PCSK2: variants seen among roughly 807,000 people sequenced by gnomAD.
PCSK2 encodes proprotein convertase subtilisin/kexin type 2.
PCSK2 carries 14 observed loss-of-function variants against 69.7 expected under a neutral mutation model. The ratio of observed to expected loss-of-function variants is 0.20; its 90% confidence interval spans 0.13 to 0.31. The LOEUF (loss-of-function observed/expected upper bound fraction) is 0.31. Ranked by LOEUF, PCSK2 falls within the 10% of genes least tolerant of loss-of-function variation. PCSK2 has a pLI of 1.00. For synonymous variants in PCSK2, 307 were observed against 320.7 expected (o/e 0.96, Z 0.46); for missense variants, 544 against 842.5 (o/e 0.65, Z 4.39).
In PCSK2 at chr20:17,451,164, G is replaced by A. The variant is rs1446651521; in HGVS notation, c.886-2578G>A. On this transcript the variant is annotated intron_variant, in intron 8 of 11. Transcript: ENST00000262545. ...CCTAGAAAACGAAGCATTCTTGTGG[G>A]CAAGTCTCATGGTTTAAAACAAAAT... 4.6e-5 allele frequency among the ~76,000 whole-genome samples: 7 copies of A among 152,182 alleles called. No homozygotes were observed. The East Asian group carries it at 1.3e-3, about 29-fold the overall frequency.
rs566753341 is a variant in PCSK2, at chr20:17,468,342, C to T, written c.1430+2789C>T. ...GCCTACCATAGGTCAGCATCCTCCA[C>T]GGGCCAGCGTCCTGTTGTAGACAGG... On this transcript the variant is annotated intron_variant, in intron 11 of 11. Coordinates refer to ENST00000262545, the MANE Select transcript of PCSK2 (RefSeq NM_002594.5). Among the ~76,000 whole-genome samples, 549 of 144,712 alleles carry T rather than the reference C, an allele frequency of 3.8e-3. 5 individuals carry two copies. The highest frequency in any genetic ancestry group is 0.013 in the African/African-American group (508 of 38,320). 94.9% of individuals were successfully genotyped at this position (144,712 alleles called of 152,430 possible).
At chr20:17,262,534 G>T (rs1987430529) in intron 2 of PCSK2, among the ~76,000 whole-genome samples, 1 of 151,882 alleles carries the variant, frequency 6.6e-6, no homozygotes, top group Non-Finnish European at 1.5e-5. Context: ...AGTCTTTCCT[G>T]CATGATGTTC....
chr20:17,266,501 A>C lies in PCSK2; in HGVS notation c.282+6157A>C, dbSNP rs147166163. 3.9e-5 allele frequency among the ~76,000 whole-genome samples: 6 copies of C among 152,354 alleles called. No individual in the cohort carries two copies. The East Asian group carries it at 1.2e-3, about 29-fold the overall frequency. ...GGAGTTTTCAAAGTTAATTTTAACC[A>C]TGCATAAGTTCCACTTTGCACACTT... On this transcript the variant is annotated intron_variant, in intron 2 of 11. Transcript: ENST00000262545.
intron 2 of PCSK2, among the ~76,000 whole-genome samples, chr20:17,296,315 A>C (rs982523027): frequency 6.6e-6 from 1 of 152,242 alleles, no homozygotes; most frequent in Non-Finnish European, 1.5e-5. Flanking sequence ...AGCTACATAA[A>C]TTGAGTTAAT....
At chr20:17,371,883 C>G (rs1354498853) in intron 5 of PCSK2, among the ~76,000 whole-genome samples, 1 of 152,016 alleles carries the variant, frequency 6.6e-6, no homozygotes, top group Non-Finnish European at 1.5e-5. Flanking sequence ...AGATGGCAGA[C>G]AGTAACATGG....
At chr20:17,417,847 G>C (rs1466924615) in intron 6 of PCSK2, among the ~76,000 whole-genome samples, 1 of 152,144 alleles carries the variant, frequency 6.6e-6, no homozygotes, top group Non-Finnish European at 1.5e-5. Context: ...TTGGTTATGG[G>C]TTAATCATTG....
At chr20:17,322,684 C>A (rs1400047470) in intron 2 of PCSK2, among the ~76,000 whole-genome samples, 16 of 152,154 alleles carry the variant, frequency 1.1e-4, no homozygotes, top group Non-Finnish European at 2.2e-4. Context: ...CAAGATGGCA[C>A]CTTGTTGCTG....
chr20:17,350,803 G>C (rs577480394), intron 2 of PCSK2, among the ~76,000 whole-genome samples: 1 of 152,248 alleles, frequency 6.6e-6, no homozygotes, highest in Admixed American at 6.5e-5. Context: ...AGCACTTTGG[G>C]AGGCCGAGGC....
rs1368945397 is a variant in PCSK2 at position 17,484,058 on chromosome 20, T to C, written c.*1988T>C. ...CATTTCTAAAAGAATATTCAGAGAA[T>C]ATCAAGATGATTCTGGCTGAAAAAG... is the stretch of plus-strand genomic sequence containing the variant. On this transcript the variant is annotated 3_prime_UTR_variant, in exon 12 of 12. Coordinates refer to ENST00000262545, the MANE Select transcript of PCSK2 (RefSeq NM_002594.5). The C allele has an allele frequency of 6.6e-6, 1 of 152,522 alleles. No homozygotes were observed. The highest frequency in any genetic ancestry group is 6.5e-5 in the Admixed American group (1 of 15,280). The allele number at this position is 152,522 out of a possible 1,614,324, so 9.4% of individuals were successfully genotyped here. A position where few individuals can be genotyped will look rare whatever the true frequency, so the allele number is the denominator to read the frequency against.
chr20:17,239,474 T>C (rs1002384851), intron 1 of PCSK2, among the ~76,000 whole-genome samples: 1 of 152,098 alleles, frequency 6.6e-6, no homozygotes, highest in Non-Finnish European at 1.5e-5. Flanking sequence ...GGGACAGGGA[T>C]CCTTGGAGAG....
At chr20:17,355,703 A>C (rs6075198) in intron 2 of PCSK2, among the ~76,000 whole-genome samples, 143,557 of 152,028 alleles carry the variant, frequency 0.94, 67,886 homozygotes, top group African/African-American at 0.99. Context: ...ATATGCTGCA[A>C]AAATCTCTGA....
At chr20:17,332,622 A>G (rs1990235014) in intron 2 of PCSK2, among the ~76,000 whole-genome samples, 1 of 152,190 alleles carries the variant, frequency 6.6e-6, no homozygotes, top group Non-Finnish European at 1.5e-5. Context: ...CCTGCTCCAG[A>G]CTTACGGAAT....
chr20:17,302,248 TCAA>T (rs1488970377), intron 2 of PCSK2, among the ~76,000 whole-genome samples: 1 of 152,198 alleles, frequency 6.6e-6, no homozygotes, highest in Non-Finnish European at 1.5e-5. Flanking sequence ...CTATATCCAC[TCAA>T]CAACTCCCTC....
intron 1 of PCSK2, among the ~76,000 whole-genome samples, chr20:17,239,430 G>A (rs1423448386): frequency 8.2e-6 from 1 of 122,104 alleles, no homozygotes; most frequent in African/African-American, 3.6e-5. Flanking sequence ...GTGATCTCTT[G>A]AAGTTCAGTA....
intron 7 of PCSK2, among the ~76,000 whole-genome samples, chr20:17,434,913 A>C (rs985201851): frequency 2.6e-5 from 4 of 152,236 alleles, no homozygotes; most frequent in African/African-American, 9.6e-5. Flanking sequence ...CACCTGCATT[A>C]AATAAAGTTT....
intron 8 of PCSK2, among the ~76,000 whole-genome samples, chr20:17,444,246 A>G (rs1485115393): frequency 6.6e-6 from 1 of 152,238 alleles, no homozygotes; most frequent in Non-Finnish European, 1.5e-5. Flanking sequence ...TTTGACCAAC[A>G]TGGTAATGAT....
chr20:17,320,634 A>T (rs1035077023), intron 2 of PCSK2, among the ~76,000 whole-genome samples: 24 of 152,344 alleles, frequency 1.6e-4, no homozygotes, highest in African/African-American at 5.8e-4. Flanking sequence ...TGACTCAGTC[A>T]TCCACCCAAT....
Position 17,478,433 on chromosome 20 carries a change from A to G in PCSK2, c.1431-3151A>G, listed in dbSNP as rs189971820. Among the ~76,000 whole-genome samples, 299 of 152,312 alleles carry G rather than the reference A, an allele frequency of 2.0e-3. 1 individual carries two copies. Among genetic ancestry groups the G allele is most frequent in the African/African-American group, 6.6e-3 (274 of 41,574 alleles). ...ATACTGTTCATCATATACTGCAACTAATTTTGTTTAACTAGGAAATTCAGT... is the reference window on the plus strand; with the variant it reads ...ATACTGTTCATCATATACTGCAACTGATTTTGTTTAACTAGGAAATTCAGT... On this transcript the variant is annotated intron_variant, in intron 11 of 11. Coordinates refer to ENST00000262545, the MANE Select transcript of PCSK2 (RefSeq NM_002594.5).
chr20:17,402,670 A>AC (rs1268521739), intron 5 of PCSK2, among the ~76,000 whole-genome samples: 7 of 151,008 alleles, frequency 4.6e-5, no homozygotes, highest in Non-Finnish European at 1.0e-4. Context: ...CAAAAAAAAA[A>AC]AAAAAAAGGC....
Sources: allele counts gnomAD v4.1 joint callset (sites outside exome capture counted in the v4.1 genomes callset), GRCh38; gene constraint gnomAD v4.1.1; transcripts MANE v1.5; gene names NCBI Gene and HGNC (gene_info 2026-07-23, HGNC 2026-07-21).